The following EFCAB14 variants were observed in gnomAD, a reference collection of about 807,000 sequenced individuals.
EFCAB14 encodes EF-hand calcium-binding domain-containing protein 14.
In EFCAB14, 43 loss-of-function variants were observed where a neutral mutation model predicts 56.5. That is an observed-to-expected ratio of 0.76 (90% CI 0.60 to 0.98). The LOEUF is 0.98. Among genes scored for constraint, EFCAB14 ranks in the 50% least tolerant of loss-of-function variants. The probability of loss-of-function intolerance (pLI) is 0.00; values close to 1 mark genes in which losing one functional copy is unlikely to be tolerated. For synonymous variants in EFCAB14, 235 were observed against 212.9 expected (o/e 1.10, Z -0.90); for missense variants, 538 against 580.3 (o/e 0.93, Z 0.75).
chr1:46,683,561 G>T, intron 9 of EFCAB14, 136 bp from the exon 10 acceptor site: 1 of 946,164 alleles, frequency 1.1e-6, no homozygotes, highest in Non-Finnish European at 1.5e-6. Flanking sequence ...GTAGCATAGT[G>T]ACTATGTGAA....
chr1:46,684,642 T>G, intron 8 of EFCAB14, 40 bp from the exon 9 acceptor site: 1 of 1,527,820 alleles, frequency 6.5e-7, no homozygotes, highest in Non-Finnish European at 9.1e-7. Flanking sequence ...AAGGTGGTAG[T>G]AAGACTTCAT....
intron 2 of EFCAB14, among the ~76,000 whole-genome samples, chr1:46,714,141 G>T (rs1227125410): frequency 6.6e-6 from 1 of 152,090 alleles, no homozygotes; most frequent in Non-Finnish European, 1.5e-5. Flanking sequence ...TTCTTAGGCT[G>T]GGTTCAAAAC....
At position 46,696,643 on chromosome 1, in the gene EFCAB14, G is replaced by C. The variant is rs1314637926; in HGVS notation, c.487C>G (p.Leu163Val). 1 of 1,613,138 alleles carries C rather than the reference G, an allele frequency of 6.2e-7. No individual in the cohort carries two copies. The highest frequency in any genetic ancestry group is 8.5e-7 in the Non-Finnish European group (1 of 1,179,396). ...AGGTGGTTCACTGCAGAAGTCAACAGAGAAATCTGAACAAAAAAGAGTAAC... is the reference window on the plus strand; with the variant it reads ...AGGTGGTTCACTGCAGAAGTCAACACAGAAATCTGAACAAAAAAGAGTAAC... ...NITEMNKQIS[L>V]LTSAVNHLKA... is the part of the protein sequence containing the mutation. Residue 163 changes from leucine (L) to valine (V), a missense_variant, in exon 4 of 11, where the codon CTG becomes GTG. Coordinates refer to ENST00000371933, the MANE Select transcript of EFCAB14 (RefSeq NM_014774.3).
chr1:46,709,764 G>C (rs923168983), intron 2 of EFCAB14, among the ~76,000 whole-genome samples: 3 of 152,154 alleles, frequency 2.0e-5, no homozygotes, highest in African/African-American at 4.8e-5. Context: ...GAGGTGGGTG[G>C]ATCACCTGAG....
rs669647 is a variant in EFCAB14, at chr1:46,676,803, A to G, written c.*1658T>C. On this transcript the variant is annotated 3_prime_UTR_variant, in exon 11 of 11. Coordinates refer to ENST00000371933, the MANE Select transcript of EFCAB14 (RefSeq NM_014774.3). ...ATGGGAAAAGACTTCATCTTGCTTT[A>G]ACTAAATTTTAATACTTCTGGAAAA... 11,668 of 152,578 alleles carry G rather than the reference A, an allele frequency of 0.076. 1,150 individuals are homozygous for G. The highest frequency in any genetic ancestry group is 0.4 in the East Asian group (2,051 of 5,166). 9.5% of individuals were successfully genotyped at this position (152,578 alleles called of 1,614,324 possible).
chr1:46,699,428 A>G (rs1252945562), intron 3 of EFCAB14, among the ~76,000 whole-genome samples: 2 of 152,212 alleles, frequency 1.3e-5, no homozygotes, highest in African/African-American at 2.4e-5. Context: ...TCTCTCTTCC[A>G]CAAGACTATA....
chr1:46,690,205 T>C (rs1408181246), intron 5 of EFCAB14, among the ~76,000 whole-genome samples: 1 of 152,222 alleles, frequency 6.6e-6, no homozygotes, highest in South Asian at 2.1e-4. Flanking sequence ...GTAAGACTTA[T>C]GTTTGAGGGT....
chr1:46,686,572 TCCCCCCAG>T, intron 8 of EFCAB14: 1 of 558,500 alleles, frequency 1.8e-6, no homozygotes, highest in Non-Finnish European at 3.2e-6. Flanking sequence ...CTCACTATGG[TCCCCCCAG>T]CTCCTACTAA....
In EFCAB14 at chr1:46,696,626, C is replaced by T; in HGVS notation, c.504G>A (p.Val168=). Residue 168 remains valine (V), a synonymous_variant, in exon 4 of 11, where the codon GTG becomes GTA. Coordinates refer to ENST00000371933, the MANE Select transcript of EFCAB14 (RefSeq NM_014774.3). ...ACTTAACATTGGCTTTGAGGTGGTT[C>T]ACTGCAGAAGTCAACAGAGAAATCT... ...NKQISLLTSA[V]NHLKANVKSA... 6.2e-7 allele frequency: 1 copy of T among 1,613,500 alleles called. No individual in the cohort carries two copies. Among genetic ancestry groups the T allele is most frequent in the Non-Finnish European group, 8.5e-7 (1 of 1,179,594 alleles).
chr1:46,683,462 G>C, intron 9 of EFCAB14, 37 bp from the exon 10 acceptor site: 1 of 1,594,904 alleles, frequency 6.3e-7, no homozygotes, highest in Non-Finnish European at 8.5e-7. Context: ...TAGTATTATT[G>C]AATCTAACAC....
intron 4 of EFCAB14, among the ~76,000 whole-genome samples, chr1:46,693,941 T>C (rs1225546550): frequency 6.6e-6 from 1 of 152,234 alleles, no homozygotes; most frequent in African/African-American, 2.4e-5. Context: ...TACAACCATC[T>C]GATCTTTGAC....
At chr1:46,684,937 A>G (rs4660954) in intron 8 of EFCAB14, 192,908 of 198,006 alleles carry the variant, frequency 0.97, 94,174 homozygotes, top group East Asian at 1. Flanking sequence ...TTTCCTAAAT[A>G]AGCAGGATCT....
In EFCAB14 at chr1:46,719,100, GC is replaced by G. The variant is rs1047534369; in HGVS notation, c.-1014del. 1.2e-4 allele frequency: 18 copies of G among 154,812 alleles called. No individual in the cohort carries two copies. Among genetic ancestry groups the G allele is most frequent in the South Asian group, 1.1e-3 (6 of 5,544 alleles). 9.6% of individuals were successfully genotyped at this position (154,812 alleles called of 1,614,324 possible). A position where few individuals can be genotyped will look rare whatever the true frequency, so the allele number is the denominator to read the frequency against. On this transcript the variant is annotated 5_prime_UTR_variant, in exon 1 of 11. Transcript: ENST00000371933. This position sits in a 1 kb window ranked among gnomAD's most constrained non-coding sequence, Gnocchi z 4.0. ...GCTCCAGCCCCGGGCCATCGCTCCA[GC>G]CCCAGATCACTTCCCCTTTGGCAGC... is the stretch of plus-strand genomic sequence containing the variant.
rs1212341420 is a variant in EFCAB14, at chr1:46,678,386, T to C, written c.*75A>G. Reference sequence around the variant, plus strand: ...GTAGTTTGGAGGACTAGAGGACTGATGGGTAAGTAAGGGTTGTTTTGTTGT... The same window carrying C: ...GTAGTTTGGAGGACTAGAGGACTGACGGGTAAGTAAGGGTTGTTTTGTTGT... On this transcript the variant is annotated 3_prime_UTR_variant, in exon 11 of 11. Coordinates refer to ENST00000371933, the MANE Select transcript of EFCAB14 (RefSeq NM_014774.3). The C allele has an allele frequency of 7.2e-6, 11 of 1,529,938 alleles. 1 individual carries two copies. Among genetic ancestry groups the C allele is most frequent in the South Asian group, 2.3e-5 (2 of 87,286 alleles). 94.8% of individuals were successfully genotyped at this position (1,529,938 alleles called of 1,614,324 possible).
intron 3 of EFCAB14, among the ~76,000 whole-genome samples, chr1:46,702,443 GAA>G (rs1677171796): frequency 1.3e-5 from 2 of 152,170 alleles, no homozygotes; most frequent in South Asian, 4.1e-4. Flanking sequence ...AAGCTGGAAA[GAA>G]GAGAGGCTTC....
chr1:46,703,033 CA>C (rs923408741), intron 3 of EFCAB14, among the ~76,000 whole-genome samples: 2 of 151,992 alleles, frequency 1.3e-5, no homozygotes, highest in African/African-American at 4.8e-5. Context: ...AAACTTGCAA[CA>C]AAACATTCAA....
rs906301485 is a variant in EFCAB14 at position 46,676,519 on chromosome 1, G to A, written c.*1942C>T. 3.3e-5 allele frequency: 5 copies of A among 152,504 alleles called. No individual in the cohort carries two copies. Among genetic ancestry groups the A allele is most frequent in the Non-Finnish European group, 7.4e-5 (5 of 68,022 alleles). 9.4% of individuals were successfully genotyped at this position (152,504 alleles called of 1,614,324 possible). A position where few individuals can be genotyped will look rare whatever the true frequency, so the allele number is the denominator to read the frequency against. On this transcript the variant is annotated 3_prime_UTR_variant, in exon 11 of 11. Coordinates refer to ENST00000371933, the MANE Select transcript of EFCAB14 (RefSeq NM_014774.3). ...CAGTTCTCAAAAAAATACCTTCCAGGTACAGACATACTATTTATGGTACAG... is the reference window on the plus strand; with the variant it reads ...CAGTTCTCAAAAAAATACCTTCCAGATACAGACATACTATTTATGGTACAG...
chr1:46,696,613 C>A lies in EFCAB14; in HGVS notation c.517G>T (p.Ala173Ser), dbSNP rs1677081650. ...LLTSAVNHLKANVKSAADLIS... is the reference protein window; with the variant it reads ...LLTSAVNHLKSNVKSAADLIS... Reference sequence around the variant, plus strand: ...AAGTCTGCAGCTGACTTAACATTGGCTTTGAGGTGGTTCACTGCAGAAGTC... The same window carrying A: ...AAGTCTGCAGCTGACTTAACATTGGATTTGAGGTGGTTCACTGCAGAAGTC... Residue 173 changes from alanine (A) to serine (S), a missense_variant, in exon 4 of 11, where the codon GCC becomes TCC. Physicochemically the swap from Ala to Ser is moderately conservative, Grantham distance 99 (BLOSUM62 1). Transcript: ENST00000371933. The A allele has an allele frequency of 1.7e-5, 27 of 1,613,622 alleles. No individual in the cohort carries two copies. The highest frequency in any genetic ancestry group is 2.2e-5 in the Non-Finnish European group (26 of 1,179,682).
chr1:46,715,231 T>C (rs1244329097), intron 2 of EFCAB14, among the ~76,000 whole-genome samples: 1 of 152,176 alleles, frequency 6.6e-6, no homozygotes, highest in African/African-American at 2.4e-5. Flanking sequence ...ATCAAAGAGA[T>C]CTGTAGGCAC....
Sources: gnomAD v4.1 joint callset for allele counts (sites outside exome capture counted in the v4.1 genomes callset) on GRCh38, gnomAD v4.1.1 for gene constraint, Gnocchi (gnomAD v3.1) non-coding constraint, MANE v1.5 for transcripts, NCBI Gene and HGNC (gene_info 2026-07-23, HGNC 2026-07-21) for gene names.